The following RASAL2 variants were observed in gnomAD, a reference collection of about 807,000 sequenced individuals.
RASAL2 encodes RAS protein activator like 2.
RASAL2 carries 58 observed loss-of-function variants against 128.9 expected under a neutral mutation model. That is an observed-to-expected ratio of 0.45 (90% CI 0.36 to 0.56). The LOEUF is 0.56. RASAL2 is among the 20% of genes least tolerant of loss of function. The probability of loss-of-function intolerance (pLI) is 0.00; values close to 1 mark genes in which losing one functional copy is unlikely to be tolerated. For synonymous variants in RASAL2, 561 were observed against 580.8 expected (o/e 0.97, Z 0.49); for missense variants, 1,360 against 1,601.6 (o/e 0.85, Z 2.57).
intron 2 of RASAL2, among the ~76,000 whole-genome samples, chr1:178,286,660 C>T (rs1343922698): frequency 6.6e-6 from 1 of 152,234 alleles, no homozygotes; most frequent in Non-Finnish European, 1.5e-5. Context: ...GATCCACCCG[C>T]CTCAGCCTCC....
chr1:178,301,829 A>G (rs995080706), intron 3 of RASAL2, among the ~76,000 whole-genome samples: 10 of 152,218 alleles, frequency 6.6e-5, no homozygotes, highest in African/African-American at 2.2e-4. Flanking sequence ...TATAGTCTCA[A>G]GAATTATTGC....
chr1:178,162,596 A>G (rs1265277053), intron 1 of RASAL2, among the ~76,000 whole-genome samples: 7 of 140,758 alleles, frequency 5.0e-5, no homozygotes, highest in Non-Finnish European at 7.5e-5. Context: ...TATTTTATAT[A>G]TACATATTTT....
chr1:178,175,514 ATTTAC>A (rs1661856193), intron 1 of RASAL2, among the ~76,000 whole-genome samples: 3 of 149,084 alleles, frequency 2.0e-5, no homozygotes, highest in South Asian at 4.2e-4. Context: ...TACTTATTTA[ATTTAC>A]TTAATTTACT....
In RASAL2 at chr1:178,458,078, T is replaced by C; in HGVS notation, c.2786T>C (p.Leu929Pro). The change falls in exon 14 of 18, where the codon CTC becomes CCC. Residue 929 changes from leucine (L) to proline (P), a missense_variant. Physicochemically the swap from Leu to Pro is moderately conservative, Grantham distance 98. This residue lies in a region of RASAL2 where 741 missense variants were observed against 868.6 expected (regional missense o/e 0.85). Coordinates refer to ENST00000367649, the MANE Select transcript of RASAL2 (RefSeq NM_170692.4). Reference protein sequence around the residue: ...PLSFQNPVYHLNNPIPAMPKA... With the variant: ...PLSFQNPVYHPNNPIPAMPKA... ...TCGTTCCAGAACCCTGTCTATCACC[T>C]CAATAACCCAATTCCAGCAATGCCA... The C allele has an allele frequency of 6.2e-7, 1 of 1,614,064 alleles. No individual in the cohort carries two copies. The highest frequency in any genetic ancestry group is 8.5e-7 in the Non-Finnish European group (1 of 1,180,018).
chr1:178,365,816 A>G (rs903447314), intron 3 of RASAL2, among the ~76,000 whole-genome samples: 8 of 152,110 alleles, frequency 5.3e-5, no homozygotes, highest in Non-Finnish European at 8.8e-5. Flanking sequence ...TCAGTCCTTT[A>G]TCACAATAGT....
intron 5 of RASAL2, among the ~76,000 whole-genome samples, chr1:178,425,789 C>G (rs1675477649): frequency 6.6e-6 from 1 of 152,150 alleles, no homozygotes; most frequent in Admixed American, 6.6e-5. Context: ...TCTCTGAAAC[C>G]ATACCTAGTT....
At chr1:178,260,301 G>A (rs1665614952) in intron 1 of RASAL2, among the ~76,000 whole-genome samples, 1 of 133,330 alleles carries the variant, frequency 7.5e-6, no homozygotes, top group Admixed American at 8.0e-5. Flanking sequence ...GCAGTGAGCC[G>A]AGATCACGCC....
In RASAL2 at chr1:178,475,557, T is replaced by C. The variant is rs896171224; in HGVS notation, c.*2318T>C. On this transcript the variant is annotated 3_prime_UTR_variant, in exon 18 of 18. Transcript: ENST00000367649. The stretch of plus-strand genomic sequence containing the variant: ...TTTCATTGGCCATAAGTATGTAATG[T>C]GGGTGATGTCTTGCCATTGAGGTTT... The C allele has an allele frequency of 4.6e-5, 7 of 152,218 alleles. No individual in the cohort carries two copies. Among genetic ancestry groups the C allele is most frequent in the Admixed American group, 2.6e-4 (4 of 15,284 alleles). The allele number at this position is 152,218 out of a possible 1,614,324, so 9.4% of individuals were successfully genotyped here.
chr1:178,130,569 A>G (rs1348148128), intron 1 of RASAL2, among the ~76,000 whole-genome samples: 2 of 152,222 alleles, frequency 1.3e-5, no homozygotes, highest in Non-Finnish European at 2.9e-5. Context: ...TGAATAGTTT[A>G]TCATACGGGA....
chr1:178,229,846 G>T (rs530135137), intron 1 of RASAL2, among the ~76,000 whole-genome samples: 1 of 152,172 alleles, frequency 6.6e-6, no homozygotes, highest in East Asian at 1.9e-4. Context: ...TAAACCTTAA[G>T]GGAACATTTG....
At chr1:178,265,165 A>G (rs1486333614) in intron 1 of RASAL2, among the ~76,000 whole-genome samples, 1 of 152,176 alleles carries the variant, frequency 6.6e-6, no homozygotes. Context: ...ATACCACTAA[A>G]TTAGTGTTTT....
At chr1:178,165,454 G>A (rs996164069) in intron 1 of RASAL2, among the ~76,000 whole-genome samples, 10 of 152,122 alleles carry the variant, frequency 6.6e-5, no homozygotes, top group Admixed American at 4.6e-4. Flanking sequence ...AAGTATACAA[G>A]AGGATGTGCA....
At chr1:178,266,092 C>G (rs1459124896) in intron 1 of RASAL2, among the ~76,000 whole-genome samples, 1 of 152,150 alleles carries the variant, frequency 6.6e-6, no homozygotes, top group Non-Finnish European at 1.5e-5. Flanking sequence ...TTGACTAAAA[C>G]ATGTCCACAT....
At chr1:178,184,680 T>C (rs994766241) in intron 1 of RASAL2, among the ~76,000 whole-genome samples, 2 of 152,088 alleles carry the variant, frequency 1.3e-5, no homozygotes, top group African/African-American at 4.8e-5. Context: ...CATTGCTTTT[T>C]CTGTTCTTTG....
chr1:178,403,927 C>T (rs1673811833), intron 4 of RASAL2, among the ~76,000 whole-genome samples: 1 of 151,974 alleles, frequency 6.6e-6, no homozygotes, highest in Admixed American at 6.6e-5. Context: ...ATATTTACAA[C>T]ATGTAGGAAA....
chr1:178,260,350 C>CAAAAAAAAAAA (rs1243797175), intron 1 of RASAL2, among the ~76,000 whole-genome samples: 3 of 436 alleles, frequency 6.9e-3, no homozygotes, highest in African/African-American at 8.9e-3. Flanking sequence ...AGACTCGTCT[C>CAAAAAAAAAAA]AAAAAAAAAA....
intron 1 of RASAL2, among the ~76,000 whole-genome samples, chr1:178,250,020 T>C (rs1186762142): frequency 6.6e-6 from 1 of 152,170 alleles, no homozygotes; most frequent in Non-Finnish European, 1.5e-5. Context: ...TCTCTCCCAC[T>C]CAGGAGGCTT....
intron 1 of RASAL2, among the ~76,000 whole-genome samples, chr1:178,277,713 A>G (rs1477638778): frequency 2.0e-5 from 3 of 152,170 alleles, no homozygotes; most frequent in Non-Finnish European, 4.4e-5. Context: ...TGTTGGGAAT[A>G]TGTTTCTCTT....
chr1:178,327,942 A>G (rs980595607), intron 3 of RASAL2, among the ~76,000 whole-genome samples: 5 of 152,190 alleles, frequency 3.3e-5, no homozygotes, highest in Non-Finnish European at 7.3e-5. Flanking sequence ...GACACAAGCC[A>G]GGGAATGCCA....
Sources: allele counts gnomAD v4.1 joint callset (sites outside exome capture counted in the v4.1 genomes callset), GRCh38; gene constraint gnomAD v4.1.1; regional missense constraint gnomAD v4.1.1; transcripts MANE v1.5; gene names NCBI Gene and HGNC (gene_info 2026-07-23, HGNC 2026-07-21).